The following PCSK5 variants were observed in gnomAD, a reference collection of about 807,000 sequenced individuals.
The protein encoded by PCSK5 is prohormone convertase 5.
In PCSK5, 129 loss-of-function variants were observed where a neutral mutation model predicts 233.2. The ratio of observed to expected loss-of-function variants is 0.55; its 90% CI spans 0.48 to 0.64. The LOEUF is 0.64. PCSK5 is among the 30% of genes least tolerant of loss of function. The pLI is 0.00. For missense variants in PCSK5, 2,076 were observed against 2,430.1 expected (o/e 0.85, Z 3.06); for synonymous variants, 825 against 879.2 (o/e 0.94, Z 1.09).
intron 20 of PCSK5, chr9:76,193,521 G>A (rs1824529157): frequency 9.4e-6 from 5 of 533,794 alleles, no homozygotes; most frequent in Non-Finnish European, 1.6e-5. Flanking sequence ...ATGGTGAACT[G>A]TTTTGTCAGA....
intron 13 of PCSK5, 80 bp downstream of exon 13, chr9:76,169,920 T>G (rs1254283326): frequency 2.6e-6 from 3 of 1,140,796 alleles, no homozygotes; most frequent in Non-Finnish European, 3.9e-6. Flanking sequence ...TGTTTCACAC[T>G]CACATATTAG....
chr9:76,020,735 G>T (rs1364870644), intron 3 of PCSK5, among the ~76,000 whole-genome samples: 1 of 152,178 alleles, frequency 6.6e-6, no homozygotes, highest in Non-Finnish European at 1.5e-5. Flanking sequence ...TCCGTAGACG[G>T]CTGGTTTTCT....
chr9:76,134,445 C>T (rs537115192), intron 10 of PCSK5, among the ~76,000 whole-genome samples: 4 of 151,946 alleles, frequency 2.6e-5, no homozygotes, highest in Non-Finnish European at 4.4e-5. Flanking sequence ...TTTAAAAGAT[C>T]GACCAACCCC....
chr9:76,048,421 C>T (rs1037666008), intron 5 of PCSK5, among the ~76,000 whole-genome samples: 2 of 152,196 alleles, frequency 1.3e-5, no homozygotes, highest in Non-Finnish European at 2.9e-5. Context: ...AAAAATGCAA[C>T]TTCTGAGCAG....
At chr9:75,985,560 T>C (rs926655832) in intron 2 of PCSK5, among the ~76,000 whole-genome samples, 5 of 152,150 alleles carry the variant, frequency 3.3e-5, no homozygotes, top group Non-Finnish European at 7.4e-5. Flanking sequence ...TAAAAATTGA[T>C]GCATACTCTA....
intron 20 of PCSK5, among the ~76,000 whole-genome samples, chr9:76,215,476 G>A (rs1421223397): frequency 1.3e-5 from 2 of 152,198 alleles, no homozygotes; most frequent in Admixed American, 6.5e-5. Flanking sequence ...CAGGACCCCC[G>A]ATATGGGGCC....
rs1325550517 is a variant in PCSK5, at chr9:75,937,203, G to T, written c.297+4720G>T. On this transcript the variant is annotated intron_variant, in intron 2 of 37. Transcript: ENST00000674117. ...TTCTTTTTTTTTTTTTTTTTTTAAAGAGTCTCGCTCTGTCACCCAGGCTAG... is the reference window on the plus strand; with the variant it reads ...TTCTTTTTTTTTTTTTTTTTTTAAATAGTCTCGCTCTGTCACCCAGGCTAG... Among the ~76,000 whole-genome samples the T allele has an allele frequency of 2.1e-5, 3 of 140,528 alleles. No individual in the cohort carries two copies. In the East Asian group the frequency reaches 6.3e-4, roughly 30 times the overall value. 92.2% of individuals were successfully genotyped at this position (140,528 alleles called of 152,430 possible). A position where few individuals can be genotyped will look rare whatever the true frequency, so the allele number is the denominator to read the frequency against.
At chr9:76,341,386 T>G (rs1401028349) in intron 35 of PCSK5, among the ~76,000 whole-genome samples, 2 of 152,234 alleles carry the variant, frequency 1.3e-5, no homozygotes, top group African/African-American at 4.8e-5. Context: ...GTCAAATGTT[T>G]CTATGAAATC....
At chr9:76,288,198 A>G (rs940800045) in intron 24 of PCSK5, 18 of 152,204 alleles carry the variant, frequency 1.2e-4, no homozygotes, top group African/African-American at 4.3e-4. Flanking sequence ...TTGCTTTGAC[A>G]GTATGTGATT....
chr9:75,985,737 G>A (rs1826483810), intron 2 of PCSK5, among the ~76,000 whole-genome samples: 1 of 152,126 alleles, frequency 6.6e-6, no homozygotes, highest in South Asian at 2.1e-4. Context: ...GACCTGCAAA[G>A]CCTAAAATAC....
chr9:76,263,570 T>C (rs1032785847), intron 24 of PCSK5, among the ~76,000 whole-genome samples: 72 of 151,762 alleles, frequency 4.7e-4, no homozygotes, highest in African/African-American at 1.7e-3. Context: ...TAGGTGGGAA[T>C]TGAACAATAG....
chr9:76,082,478 C>T (rs1455132304), intron 7 of PCSK5, among the ~76,000 whole-genome samples: 1 of 152,126 alleles, frequency 6.6e-6, no homozygotes, highest in Non-Finnish European at 1.5e-5. Flanking sequence ...GAGGCATTCA[C>T]TGAGGGGTTA....
chr9:76,339,786 G>T (rs12350254), intron 35 of PCSK5, among the ~76,000 whole-genome samples: 1 of 151,746 alleles, frequency 6.6e-6, no homozygotes, highest in Non-Finnish European at 1.5e-5. Context: ...CTCATGATCC[G>T]CCCGCCTCAA....
At chr9:75,969,300 A>G (rs1825721077) in intron 2 of PCSK5, among the ~76,000 whole-genome samples, 1 of 152,158 alleles carries the variant, frequency 6.6e-6, no homozygotes, top group South Asian at 2.1e-4. Flanking sequence ...AGAATCTCAG[A>G]ACTTTGGTGA....
At position 76,184,701 on chromosome 9, in the gene PCSK5, A is replaced by G; in HGVS notation, c.2226A>G (p.Glu742=). 6.2e-7 allele frequency: 1 copy of G among 1,611,346 alleles called. No homozygotes were observed. The highest frequency in any genetic ancestry group is 8.5e-7 in the Non-Finnish European group (1 of 1,178,008). ...AAAATCTTTGCCGGAAATGCAGTGAAAACTGCAAGACATGTACTGAATTCC... is the reference window on the plus strand; with the variant it reads ...AAAATCTTTGCCGGAAATGCAGTGAGAACTGCAAGACATGTACTGAATTCC... The part of the protein sequence containing the change: ...TKKNLCRKCS[E]NCKTCTEFHN... The change falls in exon 17 of 38, where the codon GAA becomes GAG. Residue 742 remains glutamate (E), a synonymous_variant. Transcript: ENST00000674117.
At chr9:76,162,036 G>A (rs888328246) in intron 12 of PCSK5, among the ~76,000 whole-genome samples, 12 of 152,150 alleles carry the variant, frequency 7.9e-5, no homozygotes, top group African/African-American at 2.9e-4. Flanking sequence ...GCCACTGAAG[G>A]GAGGTAGAGA....
chr9:76,206,449 T>C (rs1047510908), intron 20 of PCSK5, among the ~76,000 whole-genome samples: 39 of 152,192 alleles, frequency 2.6e-4, no homozygotes, highest in Admixed American at 9.2e-4. Context: ...ACAGAGCCCC[T>C]TTCCCTGCAC....
chr9:75,964,802 T>C (rs186767506), intron 2 of PCSK5, among the ~76,000 whole-genome samples: 1 of 152,346 alleles, frequency 6.6e-6, no homozygotes, highest in East Asian at 1.9e-4. Flanking sequence ...ACAAGGCTAT[T>C]TCCTTGTAGG....
intron 24 of PCSK5, among the ~76,000 whole-genome samples, chr9:76,247,421 T>A (rs147747264): frequency 1.3e-5 from 2 of 152,174 alleles, no homozygotes; most frequent in African/African-American, 4.8e-5. Context: ...TGTCCCTCCC[T>A]CTGTGCTCTC....
Sources: allele counts gnomAD v4.1 joint callset (sites outside exome capture counted in the v4.1 genomes callset), GRCh38; gene constraint gnomAD v4.1.1; transcripts MANE v1.5; gene names NCBI Gene and HGNC (gene_info 2026-07-23, HGNC 2026-07-21).